Variants in PRDM5 observed in about 807,000 individuals in gnomAD.
PRDM5 encodes PR domain zinc finger protein 5.
Under a neutral mutation model 81.2 loss-of-function variants are expected in PRDM5, and 56 were observed. That is an observed-to-expected ratio of 0.69 (90% CI 0.56 to 0.86). The LOEUF is 0.86. Among genes scored for constraint, PRDM5 ranks in the 40% least tolerant of loss-of-function variants. The probability of loss-of-function intolerance (pLI) is 0.00; values close to 1 mark genes in which losing one functional copy is unlikely to be tolerated. For missense variants in PRDM5, 697 were observed against 770.1 expected (o/e 0.91, Z 1.12); for synonymous variants, 267 against 256.4 (o/e 1.04, Z -0.39).
intron 14 of PRDM5, among the ~76,000 whole-genome samples, chr4:120,712,238 A>G (rs1433922306): frequency 6.6e-6 from 1 of 152,210 alleles, no homozygotes; most frequent in Non-Finnish European, 1.5e-5. Flanking sequence ...GTGAGCCAAG[A>G]TGACTCCAAT....
chr4:120,886,536 T>C (rs1050999927), intron 2 of PRDM5, among the ~76,000 whole-genome samples: 1 of 152,172 alleles, frequency 6.6e-6, no homozygotes, highest in Non-Finnish European at 1.5e-5. Context: ...AAAATCTCTA[T>C]AAAGTAGGCA....
intron 7 of PRDM5, among the ~76,000 whole-genome samples, chr4:120,811,991 A>C (rs1398502197): frequency 6.6e-6 from 1 of 151,940 alleles, no homozygotes; most frequent in Non-Finnish European, 1.5e-5. Context: ...ATATTTTTAC[A>C]CCTATTAACT....
intron 3 of PRDM5, among the ~76,000 whole-genome samples, chr4:120,833,656 A>G (rs1177826256): frequency 1.3e-5 from 2 of 152,178 alleles, no homozygotes; most frequent in Admixed American, 6.5e-5. Context: ...ACGGTCCATG[A>G]TAAGTGCTTA....
At position 120,699,201 on chromosome 4, in the gene PRDM5, TATA is replaced by T. The variant is rs1560890299; in HGVS notation, c.1729-3929_1729-3927del. 2.3e-3 allele frequency among the ~76,000 whole-genome samples: 186 copies of T among 79,888 alleles called. 1 individual carries two copies. In the South Asian group the frequency reaches 0.043, roughly 19 times the overall value. The allele number at this position is 79,888 out of a possible 152,430, so 52.4% of individuals were successfully genotyped here. A position where few individuals can be genotyped will look rare whatever the true frequency, so the allele number is the denominator to read the frequency against. On this transcript the variant is annotated intron_variant, in intron 15 of 15. Coordinates refer to ENST00000264808, the MANE Select transcript of PRDM5 (RefSeq NM_018699.4). Reference sequence around the variant, plus strand: ...ATATATATATATATATATATATATATATATTTCAGATGTCTCCTTAATAATTTC... The same window carrying T: ...ATATATATATATATATATATATATATTTTCAGATGTCTCCTTAATAATTTC...
chr4:120,917,923 T>C (rs990849574), intron 1 of PRDM5, among the ~76,000 whole-genome samples: 4 of 152,212 alleles, frequency 2.6e-5, no homozygotes, highest in Non-Finnish European at 5.9e-5. Flanking sequence ...AATCCACTTA[T>C]GACTGATGTA....
At chr4:120,773,141 G>C (rs1240091816) in intron 13 of PRDM5, among the ~76,000 whole-genome samples, 1 of 152,168 alleles carries the variant, frequency 6.6e-6, no homozygotes, top group Admixed American at 6.5e-5. Flanking sequence ...GTGTGATTGA[G>C]TTGCAAGCTG....
intron 2 of PRDM5, among the ~76,000 whole-genome samples, chr4:120,889,245 A>G (rs1421847853): frequency 6.6e-6 from 1 of 152,180 alleles, no homozygotes; most frequent in Non-Finnish European, 1.5e-5. Flanking sequence ...TTTTTCATAT[A>G]TGATGTGAAT....
chr4:120,887,996 T>G lies in PRDM5; in HGVS notation c.177+19478A>C, dbSNP rs1185108667. On this transcript the variant is annotated intron_variant, in intron 2 of 15. Transcript: ENST00000264808. ...TTTAGTAGAGACGGGGTTTCACCGT[T>G]TTAGCCGGGATGGTCTCGATCTCCT... Among the ~76,000 whole-genome samples, 33 of 120,166 alleles carry G rather than the reference T, an allele frequency of 2.7e-4. 7 individuals carry two copies. The highest frequency in any genetic ancestry group is 7.1e-4 in the Admixed American group (9 of 12,654). The allele number at this position is 120,166 out of a possible 152,430, so 78.8% of individuals were successfully genotyped here.
At chr4:120,787,962 A>C (rs1369773132) in intron 10 of PRDM5, among the ~76,000 whole-genome samples, 1 of 152,224 alleles carries the variant, frequency 6.6e-6, no homozygotes, top group East Asian at 1.9e-4. Flanking sequence ...TCTGTGATTA[A>C]TCAGACTGCC....
chr4:120,824,019 C>T (rs1755633072), intron 3 of PRDM5, among the ~76,000 whole-genome samples: 1 of 152,198 alleles, frequency 6.6e-6, no homozygotes, highest in South Asian at 2.1e-4. Flanking sequence ...TTTCACTTTA[C>T]CTTCCACCAT....
At chr4:120,778,745 T>C (rs1410970319) in intron 12 of PRDM5, among the ~76,000 whole-genome samples, 1 of 152,116 alleles carries the variant, frequency 6.6e-6, no homozygotes, top group African/African-American at 2.4e-5. Context: ...ATCTCCTGGA[T>C]TTTGTATTTG....
At chr4:120,900,894 A>C (rs900641090) in intron 2 of PRDM5, among the ~76,000 whole-genome samples, 8 of 152,172 alleles carry the variant, frequency 5.3e-5, no homozygotes, top group African/African-American at 1.9e-4. Flanking sequence ...TAAAAAGATT[A>C]TATAGTAATA....
At chr4:120,819,354 G>A (rs1341283273) in intron 4 of PRDM5, among the ~76,000 whole-genome samples, 2 of 152,048 alleles carry the variant, frequency 1.3e-5, no homozygotes, top group East Asian at 3.9e-4. Flanking sequence ...AGACATTTGG[G>A]TGGCTTGTTT....
intron 1 of PRDM5, among the ~76,000 whole-genome samples, chr4:120,685,376 G>A (rs1223227766): frequency 1.3e-5 from 2 of 152,030 alleles, no homozygotes; most frequent in African/African-American, 4.8e-5. Context: ...TGATGTTTTA[G>A]TTAAAAGAAT....
At chr4:120,713,917 A>G (rs930611383) in intron 14 of PRDM5, among the ~76,000 whole-genome samples, 2 of 152,116 alleles carry the variant, frequency 1.3e-5, no homozygotes, top group Non-Finnish European at 2.9e-5. Flanking sequence ...CTGTCCTCAC[A>G]TGGTGGAAGG....
chr4:120,879,229 C>T (rs896027432), intron 2 of PRDM5, among the ~76,000 whole-genome samples: 1 of 152,194 alleles, frequency 6.6e-6, no homozygotes, highest in African/African-American at 2.4e-5. Context: ...AGTGAGCTAT[C>T]AAGCCTCAAA....
chr4:120,858,855 C>T (rs976558949), intron 2 of PRDM5, among the ~76,000 whole-genome samples: 2 of 152,086 alleles, frequency 1.3e-5, no homozygotes, highest in African/African-American at 4.8e-5. Context: ...ATTTAAATTT[C>T]AAGTGGAAGA....
At position 120,710,308 on chromosome 4, in the gene PRDM5, CAT is replaced by C; in HGVS notation, c.1727_1728del (p.Asp576GlyfsTer3). The C allele has an allele frequency of 6.2e-7, 1 of 1,613,744 alleles. No homozygotes were observed. Among genetic ancestry groups the C allele is most frequent in the Non-Finnish European group, 8.5e-7 (1 of 1,179,876 alleles). On this transcript the variant is annotated frameshift_variant and splice_region_variant, in exon 15 of 16. Transcript: ENST00000264808. LOFTEE classifies it high-confidence loss of function. ...THTGEKPFQC[D>X]VCDLAFSLKK... ...TATGGGGGAAAAAAATCCAAACTCA[CAT>C]CACACTGAAAAGGCTTTTCTCCAGT...
intron 14 of PRDM5, among the ~76,000 whole-genome samples, chr4:120,729,127 G>A (rs569535515): frequency 6.6e-6 from 1 of 152,098 alleles, no homozygotes; most frequent in Non-Finnish European, 1.5e-5. Flanking sequence ...GAGCCTTGAT[G>A]TTTCTCAGGA....
Sources: allele counts gnomAD v4.1 joint callset (sites outside exome capture counted in the v4.1 genomes callset), GRCh38; gene constraint gnomAD v4.1.1; transcripts MANE v1.5; gene names NCBI Gene and HGNC (gene_info 2026-07-23, HGNC 2026-07-21).